CAD: variants seen among roughly 807,000 people sequenced by gnomAD.
CAD encodes multifunctional protein CAD.
CAD carries 81 observed loss-of-function variants against 237.2 expected under a neutral mutation model. The observed-to-expected ratio is 0.34, with a 90% CI of 0.29 to 0.41. The LOEUF (loss-of-function observed/expected upper bound fraction) is 0.41, where lower values mean the gene tolerates loss of function less well. Ranked by LOEUF, CAD falls within the 10% of genes least tolerant of loss-of-function variation. The probability of loss-of-function intolerance (pLI) is 1.00; values close to 1 mark genes in which losing one functional copy is unlikely to be tolerated. For missense variants in CAD, 2,181 were observed against 2,951.7 expected (o/e 0.74, Z 6.05); for synonymous variants, 1,196 against 1,162.8 (o/e 1.03, Z -0.58).
chr2:27,239,286 T>C lies in CAD; in HGVS notation c.5254-45T>C. 1 of 1,604,032 alleles carries C rather than the reference T, an allele frequency of 6.2e-7. No homozygotes were observed. The highest frequency in any genetic ancestry group is 1.3e-5 in the African/African-American group (1 of 74,852). On this transcript the variant is annotated intron_variant, in intron 32 of 43. Coordinates refer to ENST00000264705, the MANE Select transcript of CAD (RefSeq NM_004341.5). The surrounding 1 kb of genome is among the most constrained non-coding windows in gnomAD (Gnocchi z 4.0). ...GGGGCTCTCCAGCCCTAGGATATGT[T>C]CTCTGGGGATCCTTTCCCTAGCATA... is the stretch of plus-strand genomic sequence containing the variant.
chr2:27,218,129 C>T (rs1674962948), intron 2 of CAD, 113 bp downstream of exon 2: 2 of 896,176 alleles, frequency 2.2e-6, no homozygotes, highest in Non-Finnish European at 3.3e-6. Flanking sequence ...AACATACCCA[C>T]TGAAGTAGTA....
rs1391369177 is a variant in CAD, at chr2:27,233,734, C to T, written c.3325C>T (p.Arg1109Cys). Reference sequence around the variant, plus strand: ...GGCCTACACGGATGGAGACCTGGAGCGCTTCCTGAGCAGCGCAGCAGCCGT... The same window carrying T: ...GGCCTACACGGATGGAGACCTGGAGTGCTTCCTGAGCAGCGCAGCAGCCGT... ...NVAYTDGDLE[R>C]FLSSAAAVSK... is the part of the protein sequence containing the mutation. Residue 1109 changes from arginine to cysteine, a missense_variant, in exon 21 of 44, where the codon CGC (arginine) becomes TGC (cysteine). Arg to Cys is a radical substitution (Grantham distance 180). Around this residue, in one of 12 missense-constraint regions of CAD, gnomAD observed 306 missense variants for 607.9 expected, o/e 0.50. Transcript: ENST00000264705. The surrounding 1 kb of genome is among the most constrained non-coding windows in gnomAD (Gnocchi z 6.3). The T allele has an allele frequency of 4.3e-6, 7 of 1,614,116 alleles. No homozygotes were observed. The highest frequency in any genetic ancestry group is 2.2e-5 in the East Asian group (1 of 44,876).
Position 27,235,461 on chromosome 2 carries a change from T to TGGCTCCCTGGGCCAG in CAD, c.3969+39_3969+53dup. 6.2e-7 allele frequency: 1 copy of TGGCTCCCTGGGCCAG among 1,608,548 alleles called. No individual in the cohort carries two copies. Among genetic ancestry groups the TGGCTCCCTGGGCCAG allele is most frequent in the East Asian group, 2.2e-5 (1 of 44,778 alleles). ...ATCCAGGAGGGCTTCCCGAGGGCCG[T>TGGCTCCCTGGGCCAG]GGCTCCCTGGGCCAGGGCTGACCTT... On this transcript the variant is annotated intron_variant, in intron 24 of 43. Coordinates refer to ENST00000264705, the MANE Select transcript of CAD (RefSeq NM_004341.5). This position sits in a 1 kb window ranked among gnomAD's most constrained non-coding sequence, Gnocchi z 5.2.
chr2:27,238,912 C>G (rs1294848810), intron 31 of CAD, 130 bp from the exon 32 acceptor site: 2 of 928,790 alleles, frequency 2.2e-6, no homozygotes, highest in Non-Finnish European at 3.3e-6. Flanking sequence ...GTTTCTAGTT[C>G]CCAGAAAAAA....
intron 30 of CAD, 122 bp downstream of exon 30, chr2:27,238,309 C>A: frequency 6.9e-7 from 1 of 1,457,812 alleles, no homozygotes. Context: ...AGGAGGGTCT[C>A]GAGCCAGCAC....
Position 27,233,948 on chromosome 2 carries a change from C to G in CAD, c.3400-60C>G. On this transcript the variant is annotated intron_variant, in intron 21 of 43. Transcript: ENST00000264705. This position sits in a 1 kb window ranked among gnomAD's most constrained non-coding sequence, Gnocchi z 6.3. ...GGGGCTCGTTAAAGGAAGAGACAAT[C>G]CTAGAGTAAGTGAGAGAAGAAAGTG... 1 of 1,560,676 alleles carries G rather than the reference C, an allele frequency of 6.4e-7. No individual in the cohort carries two copies. The highest frequency in any genetic ancestry group is 8.8e-7 in the Non-Finnish European group (1 of 1,138,272).
At chr2:27,227,861 C>A (rs1387137736) in intron 15 of CAD, among the ~76,000 whole-genome samples, 1 of 152,244 alleles carries the variant, frequency 6.6e-6, no homozygotes, top group African/African-American at 2.4e-5. Context: ...GAACAGTAGT[C>A]ACCTGTAATC....
At position 27,221,344 on chromosome 2, in the gene CAD, C is replaced by A. The variant is rs772305305; in HGVS notation, c.349C>A (p.Gln117Lys). The A allele has an allele frequency of 6.4e-7, 1 of 1,570,086 alleles. No homozygotes were observed. The highest frequency in any genetic ancestry group is 8.6e-7 in the Non-Finnish European group (1 of 1,160,322). Reference protein sequence around the residue: ...WLQQHGIPGLQGVDTRELTKK... With the variant: ...WLQQHGIPGLKGVDTRELTKK... ...GCAGCAGCATGGCATCCCTGGCTTG[C>A]AAGGTATGGTGGCAAGCAGGGGCAT... The change falls in exon 3 of 44, where the codon CAA becomes AAA. Residue 117 changes from glutamine to lysine, a missense_variant. Coordinates refer to ENST00000264705, the MANE Select transcript of CAD (RefSeq NM_004341.5).
In CAD at chr2:27,234,689, A is replaced by G. The variant is rs1206104780; in HGVS notation, c.3786+4A>G. ...TTCTGGAGTCGTGGGAGTAAAGGTA[A>G]GGAATATCGAAACCCTTGGGGTTAG... On this transcript the variant is annotated splice_donor_region_variant and intron_variant, in intron 23 of 43. Transcript: ENST00000264705. 16 of 1,613,420 alleles carry G rather than the reference A, an allele frequency of 9.9e-6. No homozygotes were observed. The highest frequency in any genetic ancestry group is 1.3e-5 in the Non-Finnish European group (15 of 1,179,498).
At position 27,238,554 on chromosome 2, in the gene CAD, C is replaced by T. The variant is rs1012993773; in HGVS notation, c.4984C>T (p.Pro1662Ser). Reference sequence around the variant, plus strand: ...GGGGCCTGGGAAGGGGGAGGTCCGGCCTGAGCTTGGCTCCCGCCAGGATGT... The same window carrying T: ...GGGGCCTGGGAAGGGGGAGGTCCGGTCTGAGCTTGGCTCCCGCCAGGATGT... The part of the protein sequence containing the change: ...RLGPGKGEVR[P>S]ELGSRQDVEA... Residue 1662 changes from proline (P) to serine (S), a missense_variant, in exon 31 of 44, where the codon CCT (proline) becomes TCT (serine). This residue lies in a region of CAD where 478 missense variants were observed against 515.0 expected (regional missense o/e 0.93). Coordinates refer to ENST00000264705, the MANE Select transcript of CAD (RefSeq NM_004341.5). 1.2e-6 allele frequency: 2 copies of T among 1,614,002 alleles called. No individual in the cohort carries two copies. Among genetic ancestry groups the T allele is most frequent in the Non-Finnish European group, 1.7e-6 (2 of 1,180,012 alleles).
chr2:27,238,922 A>ATGAGCATTGGGAGTGGTAG (rs1478699201), intron 31 of CAD, 120 bp from the exon 32 acceptor site: 2 of 988,326 alleles, frequency 2.0e-6, no homozygotes, highest in African/African-American at 3.3e-5. Flanking sequence ...CCCAGAAAAA[A>ATGAGCATTGGGAGTGGTAG]TGAGCATTGG....
At position 27,241,008 on chromosome 2, in the gene CAD, G is replaced by A; in HGVS notation, c.5639-50G>A. On this transcript the variant is annotated intron_variant, in intron 36 of 43. Coordinates refer to ENST00000264705, the MANE Select transcript of CAD (RefSeq NM_004341.5). The surrounding 1 kb of genome is among the most constrained non-coding windows in gnomAD (Gnocchi z 4.6). ...CCTCGGGGACCTCTGATCTGGCCTT[G>A]GTAGGAGGAACCCTCTGACCAGCCT... The A allele has an allele frequency of 2.5e-6, 4 of 1,613,954 alleles. No individual in the cohort carries two copies. Among genetic ancestry groups the A allele is most frequent in the Non-Finnish European group, 3.4e-6 (4 of 1,179,930 alleles).
rs1183606373 is a variant in CAD at position 27,242,749 on chromosome 2, T to A, written c.6352T>A (p.Phe2118Ile). Residue 2118 changes from phenylalanine (F) to isoleucine (I), a missense_variant, in exon 41 of 44, where the codon TTC becomes ATC. Physicochemically the swap from Phe to Ile is conservative, Grantham distance 21. This residue lies in a region of CAD where 170 missense variants were observed against 212.1 expected (regional missense o/e 0.80). Coordinates refer to ENST00000264705, the MANE Select transcript of CAD (RefSeq NM_004341.5). This position sits in a 1 kb window ranked among gnomAD's most constrained non-coding sequence, Gnocchi z 6.4. ...GCGCATGCCACCCACTGTGCGGGCCTTCGTGGCCTCCCGCGGCACCAAGCA... is the reference window on the plus strand; with the variant it reads ...GCGCATGCCACCCACTGTGCGGGCCATCGTGGCCTCCCGCGGCACCAAGCA... The part of the protein sequence containing the change: ...SLRMPPTVRA[F>I]VASRGTKQEE... 6.2e-7 allele frequency: 1 copy of A among 1,614,064 alleles called. No homozygotes were observed. The highest frequency in any genetic ancestry group is 8.5e-7 in the Non-Finnish European group (1 of 1,180,038).
At chr2:27,220,505 C>G (rs1675107280) in intron 2 of CAD, among the ~76,000 whole-genome samples, 4 of 150,782 alleles carry the variant, frequency 2.7e-5, no homozygotes, top group Admixed American at 2.6e-4. Context: ...AAAAAATTAG[C>G]CAGGTGTGAT....
At position 27,217,418 on chromosome 2, in the gene CAD, C is replaced by A; in HGVS notation, c.-134C>A. ...CGCCCGAGGCTCCTACGCTGCCGCG[C>A]CCGGCTTCTCTCCAGCGCCCCGCGC... On this transcript the variant is annotated 5_prime_UTR_variant, in exon 1 of 44. Coordinates refer to ENST00000264705, the MANE Select transcript of CAD (RefSeq NM_004341.5). The A allele has an allele frequency of 1.3e-6, 1 of 786,932 alleles. No individual in the cohort carries two copies. Among genetic ancestry groups the A allele is most frequent in the Non-Finnish European group, 2.2e-6 (1 of 463,804 alleles). 48.7% of individuals were successfully genotyped at this position (786,932 alleles called of 1,614,324 possible).
In CAD at chr2:27,226,331, G is replaced by T. The variant is rs776788977; in HGVS notation, c.2031+12G>T. ...CTGAGTCTGAGCAGGTAAGCTCTAG[G>T]CCCTGGAACTGATAGTCTAGTTGTT... On this transcript the variant is annotated intron_variant, in intron 13 of 43. Coordinates refer to ENST00000264705, the MANE Select transcript of CAD (RefSeq NM_004341.5). The T allele has an allele frequency of 1.2e-6, 2 of 1,612,100 alleles. No individual in the cohort carries two copies. The highest frequency in any genetic ancestry group is 2.2e-5 in the East Asian group (1 of 44,852).
chr2:27,231,864 A>G (rs1675775195), intron 16 of CAD, 116 bp from the exon 17 acceptor site: 1 of 1,290,752 alleles, frequency 7.7e-7, no homozygotes, highest in South Asian at 1.4e-5. Context: ...TTTTGCAGTT[A>G]CACAGCCTGT....
Position 27,235,943 on chromosome 2 carries a change from A to G in CAD, c.4074+303A>G. On this transcript the variant is annotated intron_variant, in intron 25 of 43. Transcript: ENST00000264705. This position sits in a 1 kb window ranked among gnomAD's most constrained non-coding sequence, Gnocchi z 5.2. ...ATTATTACCATTATACTAGTAAGCT[A>G]TATTCCATGCAGAAAGCAGAATACA... 1 of 491,728 alleles carries G rather than the reference A, an allele frequency of 2.0e-6. No homozygotes were observed. The allele number at this position is 491,728 out of a possible 1,614,324, so 30.5% of individuals were successfully genotyped here.
Position 27,237,727 on chromosome 2 carries a change from G to A in CAD, c.4573G>A (p.Ala1525Thr). 6.2e-7 allele frequency: 1 copy of A among 1,613,134 alleles called. No homozygotes were observed. Among genetic ancestry groups the A allele is most frequent in the South Asian group, 1.1e-5 (1 of 90,860 alleles). ...TGTGTATCCTCTCCAGCTGGCAGAGGCTGGCGCCCGGTGCGACTTTGCGCT... is the reference window on the plus strand; with the variant it reads ...TGTGTATCCTCTCCAGCTGGCAGAGACTGGCGCCCGGTGCGACTTTGCGCT... Reference protein sequence around the residue: ...ALALAQKLAEAGARCDFALFL... With the variant: ...ALALAQKLAETGARCDFALFL... The change falls in exon 29 of 44, where the codon GCT becomes ACT. Residue 1525 changes from alanine to threonine, a missense_variant. By Grantham distance (58) the Ala-to-Thr change is moderately conservative. This residue lies in a region of CAD where 478 missense variants were observed against 515.0 expected (regional missense o/e 0.93). Coordinates refer to ENST00000264705, the MANE Select transcript of CAD (RefSeq NM_004341.5). This position sits in a 1 kb window ranked among gnomAD's most constrained non-coding sequence, Gnocchi z 4.0.
Sources: gnomAD v4.1 joint callset for allele counts (sites outside exome capture counted in the v4.1 genomes callset) on GRCh38, gnomAD v4.1.1 for gene constraint, gnomAD v4.1.1 regional missense constraint, Gnocchi (gnomAD v3.1) non-coding constraint, MANE v1.5 for transcripts, NCBI Gene and HGNC (gene_info 2026-07-23, HGNC 2026-07-21) for gene names.